Variants in MYLK4 observed in about 807,000 individuals in gnomAD.
MYLK4 encodes caMLCK like.
A neutral mutation model predicts 48.1 loss-of-function variants in MYLK4; 46 were observed. The ratio of observed to expected loss-of-function variants is 0.96; its 90% CI spans 0.75 to 1.22. The LOEUF is 1.22. Among genes scored for constraint, MYLK4 ranks in the 50% most tolerant of loss-of-function variants. The pLI, the probability that MYLK4 is intolerant of heterozygous loss-of-function variation, is 0.00. For synonymous variants in MYLK4, 170 were observed against 180.8 expected, an observed-to-expected ratio of 0.94 and a Z score of 0.48; for missense variants, 451 against 486.1, an observed-to-expected ratio of 0.93 and a Z score of 0.68.
intron 2 of MYLK4, among the ~76,000 whole-genome samples, chr6:2,710,024 C>A (rs1182692033): frequency 6.6e-6 from 1 of 152,124 alleles, no homozygotes; most frequent in Admixed American, 6.5e-5. Flanking sequence ...GCTATGTTGA[C>A]ATTTCTACTT....
chr6:2,676,717 C>T (rs111666084), intron 10 of MYLK4, among the ~76,000 whole-genome samples: 90 of 152,244 alleles, frequency 5.9e-4, no homozygotes, highest in African/African-American at 1.8e-3. Flanking sequence ...AAGGAGTGAG[C>T]GGCACTGGAG....
At position 2,719,695 on chromosome 6, in the gene MYLK4, T is replaced by TA. The variant is rs988237121; in HGVS notation, c.160-26837dup. On this transcript the variant is annotated intron_variant, in intron 2 of 12. Transcript: ENST00000274643. ...AAGTTCAGGTAGATTACAAGTCCAT[T>TA]AAAAAAAAAGTATGAAATTTATTTA... 1.5e-4 allele frequency among the ~76,000 whole-genome samples: 23 copies of TA among 151,428 alleles called. No homozygotes were observed. In the East Asian group the frequency reaches 2.3e-3, roughly 15 times the overall value.
At chr6:2,695,796 G>C (rs1762036441) in intron 2 of MYLK4, among the ~76,000 whole-genome samples, 1 of 152,150 alleles carries the variant, frequency 6.6e-6, no homozygotes, top group Non-Finnish European at 1.5e-5. Context: ...GTATTTCTAA[G>C]TTATGCCTAG....
intron 2 of MYLK4, among the ~76,000 whole-genome samples, chr6:2,743,645 C>T (rs1561882725): frequency 6.6e-6 from 1 of 152,172 alleles, no homozygotes; most frequent in Non-Finnish European, 1.5e-5. Flanking sequence ...ATTTTTAGCT[C>T]TCACAAACAA....
At chr6:2,766,300 G>C in the MYLK4 span, 1 of 1,607,400 alleles carries the variant, frequency 6.2e-7, no homozygotes, top group Non-Finnish European at 8.5e-7. Context: ...AGGGCAAGCC[G>C]CTGGCCGACA....
upstream of MYLK4, among the ~76,000 whole-genome samples, chr6:2,754,332 G>A (rs186487040): frequency 1.8e-4 from 28 of 151,916 alleles, no homozygotes; most frequent in Middle Eastern, 3.4e-3. Flanking sequence ...CATACAAATG[G>A]AATACTACGT....
intron 1 of MYLK4, among the ~76,000 whole-genome samples, chr6:2,750,122 G>C (rs76558826): frequency 0.011 from 1,731 of 152,330 alleles, 27 homozygotes; most frequent in South Asian, 0.062. Flanking sequence ...GAGGCAGGGA[G>C]AGGGAGAGAC....
At chr6:2,718,927 T>G (rs916943626) in intron 2 of MYLK4, among the ~76,000 whole-genome samples, 2 of 152,256 alleles carry the variant, frequency 1.3e-5, no homozygotes, top group African/African-American at 4.8e-5. Flanking sequence ...CGCCTTTAGA[T>G]ATGGCTAGAA....
the MYLK4 span, chr6:2,765,979 C>T: frequency 3.6e-6 from 5 of 1,401,086 alleles, no homozygotes; most frequent in South Asian, 3.0e-5. Context: ...CACCCAGCGG[C>T]GCCCGCCTTA....
intron 2 of MYLK4, among the ~76,000 whole-genome samples, chr6:2,703,766 G>A (rs1762389671): frequency 7.2e-6 from 1 of 139,376 alleles, no homozygotes; most frequent in Admixed American, 8.2e-5. Flanking sequence ...CGCCTCCGGG[G>A]TTCAAGCGAT....
chr6:2,729,557 C>T (rs1048930841), intron 2 of MYLK4, among the ~76,000 whole-genome samples: 3 of 152,200 alleles, frequency 2.0e-5, no homozygotes, highest in African/African-American at 7.2e-5. Context: ...CTTAGTTCCC[C>T]AACCCTAAAC....
chr6:2,734,834 T>G (rs1008680553), intron 2 of MYLK4, among the ~76,000 whole-genome samples: 4 of 152,192 alleles, frequency 2.6e-5, no homozygotes, highest in Admixed American at 1.3e-4. Flanking sequence ...TCTCACACTC[T>G]GATGTGCACA....
Position 2,681,994 on chromosome 6 carries a change from C to G in MYLK4, c.687+1027G>C, listed in dbSNP as rs967510212. On this transcript the variant is annotated intron_variant, in intron 7 of 12. Coordinates refer to ENST00000274643, the MANE Select transcript of MYLK4 (RefSeq NM_001012418.5). ...TTTGCTAATGATTTTTAGCCTCTGACTTTGTCATTTTATAAACCACTTCCT... is the reference window on the plus strand; with the variant it reads ...TTTGCTAATGATTTTTAGCCTCTGAGTTTGTCATTTTATAAACCACTTCCT... Among the ~76,000 whole-genome samples, 48 of 152,296 alleles carry G rather than the reference C, an allele frequency of 3.2e-4. 1 individual carries two copies. Among genetic ancestry groups the G allele is most frequent in the Non-Finnish European group, 5.9e-5 (4 of 68,022 alleles).
At chr6:2,728,540 G>A (rs1030931052) in intron 2 of MYLK4, among the ~76,000 whole-genome samples, 53 of 152,272 alleles carry the variant, frequency 3.5e-4, no homozygotes, top group Middle Eastern at 6.8e-3. Flanking sequence ...TTTACCCCAT[G>A]TGCTTGCTGG....
At chr6:2,765,190 CCCCGCCCCTCCCCCG>C in the MYLK4 span, among the ~76,000 whole-genome samples, 1 of 99,898 alleles carries the variant, frequency 1.0e-5, no homozygotes, top group Non-Finnish European at 2.3e-5. Flanking sequence ...CAACCCCCCC[CCCCGCCCCTCCCCCG>C]CCCCCGCAAA....
intron 2 of MYLK4, among the ~76,000 whole-genome samples, chr6:2,717,245 A>G (rs1478733250): frequency 1.3e-5 from 2 of 152,250 alleles, no homozygotes; most frequent in Non-Finnish European, 2.9e-5. Context: ...TTCCTATGCC[A>G]TTTCAGACTC....
At chr6:2,692,747 C>A (rs1300064841) in intron 3 of MYLK4, 37 bp downstream of exon 3, 2 of 1,579,296 alleles carry the variant, frequency 1.3e-6, no homozygotes, top group Admixed American at 3.4e-5. Context: ...ACGGAACTTT[C>A]TTCATCCATA....
At chr6:2,744,564 G>A (rs1764009034) in intron 2 of MYLK4, among the ~76,000 whole-genome samples, 1 of 152,184 alleles carries the variant, frequency 6.6e-6, no homozygotes, top group Admixed American at 6.5e-5. Flanking sequence ...CAGATGGTCA[G>A]GAAATGCCAC....
rs922110281 is a variant in MYLK4 at position 2,723,859 on chromosome 6, ATTATTTTATT to A, written c.159+25267_159+25276del. ...CCCTTCACAACGGCTTTGGTGATTG[ATTATTTTATT>A]TTATTTTATTTTATTTTTTATTTTT... On this transcript the variant is annotated intron_variant, in intron 2 of 12. Transcript: ENST00000274643. Among the ~76,000 whole-genome samples, 30 of 151,992 alleles carry A rather than the reference ATTATTTTATT, an allele frequency of 2.0e-4. No homozygotes were observed. In the South Asian group the frequency reaches 2.3e-3, roughly 12 times the overall value.
Sources: allele counts gnomAD v4.1 joint callset (sites outside exome capture counted in the v4.1 genomes callset), GRCh38; gene constraint gnomAD v4.1.1; transcripts MANE v1.5; gene names NCBI Gene and HGNC (gene_info 2026-07-23, HGNC 2026-07-21).